The following FLI1 variants were observed in gnomAD, a reference collection of about 807,000 sequenced individuals.
FLI1 encodes the protein Friend leukemia integration 1 transcription factor.
A neutral mutation model predicts 53.1 loss-of-function variants in FLI1; 13 were observed. The observed-to-expected ratio is 0.24, with a 90% CI of 0.16 to 0.39. The LOEUF (loss-of-function observed/expected upper bound fraction) is 0.39, where lower values mean the gene tolerates loss of function less well. Ranked by LOEUF, FLI1 falls within the 10% of genes least tolerant of loss-of-function variation. The pLI is 1.00. For missense variants in FLI1, 424 were observed against 600.5 expected, an observed-to-expected ratio of 0.71 and a Z score of 3.07; for synonymous variants, 244 against 236.7, an observed-to-expected ratio of 1.03 and a Z score of -0.28.
intron 1 of FLI1, among the ~76,000 whole-genome samples, chr11:128,725,524 C>T (rs1269728282): frequency 2.0e-5 from 3 of 152,210 alleles, no homozygotes; most frequent in Non-Finnish European, 2.9e-5. Context: ...CCCACAAACC[C>T]TTAAATGTGT....
intron 4 of FLI1, among the ~76,000 whole-genome samples, chr11:128,774,315 A>C (rs1044689785): frequency 1.3e-5 from 2 of 152,184 alleles, no homozygotes; most frequent in African/African-American, 4.8e-5. Flanking sequence ...TTAGCTCCGG[A>C]GCAATTACCT....
Position 128,694,191 on chromosome 11 carries a change from C to T in FLI1, c.-68C>T. 6.7e-7 allele frequency: 1 copy of T among 1,499,214 alleles called. No homozygotes were observed. The highest frequency in any genetic ancestry group is 1.3e-5 in the South Asian group (1 of 77,318). 92.9% of individuals were successfully genotyped at this position (1,499,214 alleles called of 1,614,324 possible). ...GCCGCGCCGGGCTAATCCGAAGGGG[C>T]TGCGAGGTCAGGCTGTAACCGGGTC... On this transcript the variant is annotated 5_prime_UTR_variant, in exon 1 of 9. Coordinates refer to ENST00000527786, the MANE Select transcript of FLI1 (RefSeq NM_002017.5).
intron 7 of FLI1, 81 bp from the exon 8 acceptor site, chr11:128,809,076 C>A (rs191037878): frequency 7.8e-4 from 880 of 1,131,818 alleles, no homozygotes; most frequent in Non-Finnish European, 1.0e-3. Flanking sequence ...AAAGTATAAA[C>A]CCTTATGGTT....
chr11:128,796,468 C>T (rs1392495358), intron 5 of FLI1, among the ~76,000 whole-genome samples: 1 of 152,184 alleles, frequency 6.6e-6, no homozygotes, highest in East Asian at 1.9e-4. Context: ...GGCCTCTGGG[C>T]CTGTGCTAAT....
intron 5 of FLI1, among the ~76,000 whole-genome samples, chr11:128,800,578 A>G (rs1230590126): frequency 1.3e-5 from 2 of 152,202 alleles, no homozygotes; most frequent in East Asian, 1.9e-4. Flanking sequence ...TGGTATGTCT[A>G]TGAGAGGGTC....
chr11:128,771,046 C>A (rs933977190), intron 3 of FLI1, among the ~76,000 whole-genome samples: 1 of 152,194 alleles, frequency 6.6e-6, no homozygotes, highest in Non-Finnish European at 1.5e-5. Flanking sequence ...TATTGGAACC[C>A]CAGCCCAGAT....
At chr11:128,798,811 G>A (rs1413804148) in intron 5 of FLI1, among the ~76,000 whole-genome samples, 2 of 152,130 alleles carry the variant, frequency 1.3e-5, no homozygotes, top group African/African-American at 2.4e-5. Context: ...TGAGGACTTG[G>A]TCCTGAGCTT....
At chr11:128,776,659 A>G (rs565602778) in intron 4 of FLI1, among the ~76,000 whole-genome samples, 10 of 152,312 alleles carry the variant, frequency 6.6e-5, no homozygotes, top group African/African-American at 2.2e-4. Flanking sequence ...TTCAGAGGAA[A>G]AAAGGTTGCC....
chr11:128,732,824 G>C (rs919534614), intron 1 of FLI1, among the ~76,000 whole-genome samples: 1 of 152,240 alleles, frequency 6.6e-6, no homozygotes, highest in African/African-American at 2.4e-5. Context: ...ACATGCCCTT[G>C]TTTTGCCCAG....
chr11:128,739,591 T>TGGGA (rs1454154451), intron 1 of FLI1, among the ~76,000 whole-genome samples: 50 of 152,030 alleles, frequency 3.3e-4, no homozygotes, highest in Non-Finnish European at 5.6e-4. Context: ...AGTGGGACAG[T>TGGGA]GGGAGGGAGG....
At chr11:128,798,986 C>CTT (rs1224060460) in intron 5 of FLI1, among the ~76,000 whole-genome samples, 1 of 151,102 alleles carries the variant, frequency 6.6e-6, no homozygotes, top group African/African-American at 2.4e-5. Context: ...TAATCCACCT[C>CTT]TTCTTTTAAA....
At chr11:128,769,602 G>C (rs1245291227) in intron 3 of FLI1, among the ~76,000 whole-genome samples, 1 of 152,170 alleles carries the variant, frequency 6.6e-6, no homozygotes, top group Non-Finnish European at 1.5e-5. Flanking sequence ...GTGTGAGCAA[G>C]AGTGAGGCAG....
At chr11:128,713,674 G>A (rs1176550428) in intron 1 of FLI1, among the ~76,000 whole-genome samples, 1 of 152,130 alleles carries the variant, frequency 6.6e-6, no homozygotes, top group Non-Finnish European at 1.5e-5. Flanking sequence ...TCTATGAAAG[G>A]GGAAGTATGG....
chr11:128,703,602 T>A (rs1461515159), intron 1 of FLI1, among the ~76,000 whole-genome samples: 1 of 152,216 alleles, frequency 6.6e-6, no homozygotes, highest in East Asian at 1.9e-4. Flanking sequence ...CCTAGCACTT[T>A]GGGAGGCCGA....
chr11:128,714,444 C>T (rs1231238192), intron 1 of FLI1, among the ~76,000 whole-genome samples: 3 of 152,194 alleles, frequency 2.0e-5, no homozygotes, highest in Admixed American at 1.3e-4. Flanking sequence ...GAAACACCTA[C>T]TAAACAGGCA....
intron 1 of FLI1, among the ~76,000 whole-genome samples, chr11:128,723,933 A>ATTTTT (rs376612983): frequency 1.6e-4 from 13 of 80,974 alleles, no homozygotes; most frequent in East Asian, 4.5e-4. Context: ...AATGGAGTTG[A>ATTTTT]TTTTTTTTTT....
intron 1 of FLI1, among the ~76,000 whole-genome samples, chr11:128,729,725 C>A (rs1939619061): frequency 6.6e-6 from 1 of 152,178 alleles, no homozygotes. Flanking sequence ...ATTCACCTCT[C>A]CTTCCCCATT....
chr11:128,796,842 G>A (rs1220693043), intron 5 of FLI1, among the ~76,000 whole-genome samples: 1 of 152,230 alleles, frequency 6.6e-6, no homozygotes, highest in African/African-American at 2.4e-5. Flanking sequence ...AGGCATGGTG[G>A]CAGGCGCCTA....
intron 8 of FLI1, among the ~76,000 whole-genome samples, chr11:128,809,792 C>T (rs866802284): frequency 6.6e-6 from 1 of 152,194 alleles, no homozygotes; most frequent in Non-Finnish European, 1.5e-5. Context: ...GCCCACTCAC[C>T]TTCCCATCCC....
Sources: allele counts gnomAD v4.1 joint callset (sites outside exome capture counted in the v4.1 genomes callset), GRCh38; gene constraint gnomAD v4.1.1; transcripts MANE v1.5; gene names NCBI Gene and HGNC (gene_info 2026-07-23, HGNC 2026-07-21).